NR0B2: variants seen among roughly 807,000 people sequenced by gnomAD.
NR0B2 encodes nuclear receptor subfamily 0 group B member 2.
In NR0B2, 17 loss-of-function variants were observed where a neutral mutation model predicts 18.9. The ratio of observed to expected loss-of-function variants is 0.90; its 90% CI spans 0.62 to 1.35. NR0B2 has a LOEUF of 1.35. NR0B2 is among the 40% of genes most tolerant of loss of function. The pLI, the probability that NR0B2 is intolerant of heterozygous loss-of-function variation, is 0.00. For missense variants in NR0B2, 312 were observed against 333.3 expected (o/e 0.94, Z 0.50); for synonymous variants, 116 against 138.5 (o/e 0.84, Z 1.14).
rs762355921 is a variant in NR0B2 at position 26,913,436 on chromosome 1, G to A, written c.505C>T (p.Leu169=). The part of the protein sequence containing the change: ...LELSPKEYAC[L]KGTILFNPDV... ...GGGTTGAAGAGGATGGTCCCTTTCA[G>A]GCAGGCATATTCCTTGGGGCTAAGC... is the stretch of plus-strand genomic sequence containing the variant. The change falls in exon 1 of 2, where the codon CTG becomes TTG. Residue 169 remains leucine, a synonymous_variant. Transcript: ENST00000254227. 1.9e-6 allele frequency: 3 copies of A among 1,614,146 alleles called. No individual in the cohort carries two copies. In the South Asian group the frequency reaches 3.3e-5, roughly 18 times the overall value.
rs1430461757 is a variant in NR0B2 at position 26,913,482 on chromosome 1, C to T, written c.459G>A (p.Leu153=). 3 of 1,613,938 alleles carry T rather than the reference C, an allele frequency of 1.9e-6. No homozygotes were observed. The highest frequency in any genetic ancestry group is 2.2e-5 in the South Asian group (2 of 91,082). Residue 153 remains leucine, a synonymous_variant, in exon 1 of 2, where the codon CTG becomes CTA. Coordinates refer to ENST00000254227, the MANE Select transcript of NR0B2 (RefSeq NM_021969.3). Reference sequence around the variant, plus strand: ...TAAGCTCCAGGCTCCAGAAGGACTCCAGACAGCATTGAAGCCACTGCACCG... The same window carrying T: ...TAAGCTCCAGGCTCCAGAAGGACTCTAGACAGCATTGAAGCCACTGCACCG... ...LAAVQWLQCC[L]ESFWSLELSP...
chr1:26,913,667 A>C lies in NR0B2; in HGVS notation c.274T>G (p.Trp92Gly). 2 of 1,613,680 alleles carry C rather than the reference A, an allele frequency of 1.2e-6. No individual in the cohort carries two copies. Among genetic ancestry groups the C allele is most frequent in the Non-Finnish European group, 1.7e-6 (2 of 1,179,854 alleles). Residue 92 changes from tryptophan to glycine, a missense_variant, in exon 1 of 2, where the codon TGG (tryptophan) becomes GGG (glycine). By Grantham distance (184) the Trp-to-Gly change is radical. Coordinates refer to ENST00000254227, the MANE Select transcript of NR0B2 (RefSeq NM_021969.3). ...AACCCAAGCAGGAAGAGGGGGCCCC[A>C]GCAACCCTGCAGCAGCCGCCGCTGG... ...QDQRRLLQGC[W>G]GPLFLLGLAQ...
In NR0B2 at chr1:26,913,593, G is replaced by T; in HGVS notation, c.348C>A (p.Ser116Arg). 6.2e-7 allele frequency: 1 copy of T among 1,614,084 alleles called. No individual in the cohort carries two copies. The highest frequency in any genetic ancestry group is 8.5e-7 in the Non-Finnish European group (1 of 1,180,008). Residue 116 changes from serine (S) to arginine (R), a missense_variant, in exon 1 of 2, where the codon AGC becomes AGA. By Grantham distance (110) the Ser-to-Arg change is moderately radical. Transcript: ENST00000254227. ...CCTCCAGCAGAATCTTCTTGAGTAT[G>T]CTGGGCACCGGGGCCTCAGCCACCT... is the stretch of plus-strand genomic sequence containing the variant. ...TFEVAEAPVP[S>R]ILKKILLEEP...
chr1:26,913,398 T>C lies in NR0B2; in HGVS notation c.532+11A>G. ...GCCTTGCCCCCCACCCAGGAGTGTC[T>C]GGGAGCTCACCGGGGTTGAAGAGGA... On this transcript the variant is annotated intron_variant, in intron 1 of 1. Coordinates refer to ENST00000254227, the MANE Select transcript of NR0B2 (RefSeq NM_021969.3). 6.2e-7 allele frequency: 1 copy of C among 1,613,876 alleles called. No individual in the cohort carries two copies. The highest frequency in any genetic ancestry group is 8.5e-7 in the Non-Finnish European group (1 of 1,179,786).
chr1:26,913,438 C>A lies in NR0B2; in HGVS notation c.503G>T (p.Cys168Phe). 1 of 1,614,120 alleles carries A rather than the reference C, an allele frequency of 6.2e-7. No individual in the cohort carries two copies. Among genetic ancestry groups the A allele is most frequent in the Non-Finnish European group, 8.5e-7 (1 of 1,180,030 alleles). The change falls in exon 1 of 2, where the codon TGC becomes TTC. Residue 168 changes from cysteine to phenylalanine, a missense_variant. By Grantham distance (205) the Cys-to-Phe change is radical. Transcript: ENST00000254227. The stretch of plus-strand genomic sequence containing the variant: ...GTTGAAGAGGATGGTCCCTTTCAGG[C>A]AGGCATATTCCTTGGGGCTAAGCTC... Reference protein sequence around the residue: ...SLELSPKEYACLKGTILFNPD... With the variant: ...SLELSPKEYAFLKGTILFNPD...
Position 26,913,688 on chromosome 1 carries a change from G to T in NR0B2, c.253C>A (p.Arg85=). The change falls in exon 1 of 2, where the codon CGG becomes AGG. Residue 85 remains arginine (R), a synonymous_variant. Transcript: ENST00000254227. ...SFWQLPPQDQ[R]RLLQGCWGPL... ...CCCCAGCAACCCTGCAGCAGCCGCC[G>T]CTGGTCCTGGGGAGGCAGCTGCCAG... 6.2e-7 allele frequency: 1 copy of T among 1,612,704 alleles called. No individual in the cohort carries two copies. The highest frequency in any genetic ancestry group is 8.5e-7 in the Non-Finnish European group (1 of 1,179,126).
At chr1:26,913,102 T>C (rs1281598532) in intron 1 of NR0B2, among the ~76,000 whole-genome samples, 2 of 152,236 alleles carry the variant, frequency 1.3e-5, no homozygotes, top group East Asian at 3.9e-4. Context: ...TTGATCAACA[T>C]GGTGAAAGCC....
intron 1 of NR0B2, among the ~76,000 whole-genome samples, 191 bp from the exon 2 acceptor site, chr1:26,912,277 A>G (rs1233981172): frequency 1.3e-5 from 2 of 152,104 alleles, no homozygotes; most frequent in South Asian, 2.1e-4. Flanking sequence ...TCATCCATCC[A>G]TTTATGAAGA....
chr1:26,911,687 T>C lies in NR0B2; in HGVS notation c.*158A>G, dbSNP rs541894841. 3 of 832,250 alleles carry C rather than the reference T, an allele frequency of 3.6e-6. No individual in the cohort carries two copies. Among genetic ancestry groups the C allele is most frequent in the South Asian group, 3.0e-5 (2 of 65,788 alleles). 51.6% of individuals were successfully genotyped at this position (832,250 alleles called of 1,614,324 possible). On this transcript the variant is annotated 3_prime_UTR_variant, in exon 2 of 2. Transcript: ENST00000254227. ...CTGTGTCCAAACCAAGGAAGTCCAA[T>C]GTGGGGTGTGGCTGAGTGAAGAGCT...
In NR0B2 at chr1:26,911,981, C is replaced by A. The variant is rs367827644; in HGVS notation, c.638G>T (p.Arg213Leu). ...GGCCGTGAGGAGGACACGGGTCAGG[C>A]GGCCTTGGGCTGCTGGGCACCAGGG... ...LEPWCPAAQGRLTRVLLTAST... is the reference protein window; with the variant it reads ...LEPWCPAAQGLLTRVLLTAST... The change falls in exon 2 of 2, where the codon CGC (arginine) becomes CTC (leucine). Residue 213 changes from arginine (R) to leucine (L), a missense_variant. Physicochemically the swap from Arg to Leu is moderately radical, Grantham distance 102. Coordinates refer to ENST00000254227, the MANE Select transcript of NR0B2 (RefSeq NM_021969.3). The A allele has an allele frequency of 6.2e-7, 1 of 1,614,110 alleles. No homozygotes were observed. Among genetic ancestry groups the A allele is most frequent in the Admixed American group, 1.7e-5 (1 of 60,008 alleles).
Position 26,911,870 on chromosome 1 carries a change from A to G in NR0B2, c.749T>C (p.Leu250Pro), listed in dbSNP as rs1258917303. ...IIGDVDIAGL[L>P]GDMLLLR ...TCACCTGAGCAAAAGCATGTCCCCAAGAAGGCCAGCGATGTCAACATCTCC... is the reference window on the plus strand; with the variant it reads ...TCACCTGAGCAAAAGCATGTCCCCAGGAAGGCCAGCGATGTCAACATCTCC... The change falls in exon 2 of 2, where the codon CTT (leucine) becomes CCT (proline). Residue 250 changes from leucine to proline, a missense_variant. Physicochemically the swap from Leu to Pro is moderately conservative, Grantham distance 98 (BLOSUM62 -3). Transcript: ENST00000254227. 8.7e-6 allele frequency: 14 copies of G among 1,614,094 alleles called. No individual in the cohort carries two copies. The Admixed American group carries it at 2.2e-4, about 25-fold the overall frequency.
chr1:26,913,411 G>T lies in NR0B2; in HGVS notation c.530C>A (p.Pro177His), dbSNP rs749895851. The change falls in exon 1 of 2, where the codon CCC becomes CAC. Residue 177 changes from proline (P) to histidine (H), a missense_variant and splice_region_variant. By Grantham distance (77) the Pro-to-His change is moderately conservative. Transcript: ENST00000254227. ...CCCAGGAGTGTCTGGGAGCTCACCG[G>T]GGTTGAAGAGGATGGTCCCTTTCAG... ...ACLKGTILFN[P>H]DVPGLQAASH... 2 of 1,614,046 alleles carry T rather than the reference G, an allele frequency of 1.2e-6. No individual in the cohort carries two copies. Among genetic ancestry groups the T allele is most frequent in the Non-Finnish European group, 1.7e-6 (2 of 1,179,980 alleles).
Position 26,911,680 on chromosome 1 carries a change from A to C in NR0B2, c.*165T>G. 1.3e-6 allele frequency: 1 copy of C among 792,872 alleles called. No individual in the cohort carries two copies. The highest frequency in any genetic ancestry group is 2.1e-6 in the Non-Finnish European group (1 of 472,510). 49.1% of individuals were successfully genotyped at this position (792,872 alleles called of 1,614,324 possible). ...TGGAACACTGTGTCCAAACCAAGGA[A>C]GTCCAATGTGGGGTGTGGCTGAGTG... is the stretch of plus-strand genomic sequence containing the variant. On this transcript the variant is annotated 3_prime_UTR_variant, in exon 2 of 2. Coordinates refer to ENST00000254227, the MANE Select transcript of NR0B2 (RefSeq NM_021969.3).
chr1:26,913,515 G>A lies in NR0B2; in HGVS notation c.426C>T (p.Ser142=), dbSNP rs779114304. 1.1e-5 allele frequency: 17 copies of A among 1,613,318 alleles called. No individual in the cohort carries two copies. The Admixed American group carries it at 2.7e-4, about 25-fold the overall frequency. Residue 142 remains serine, a synonymous_variant, in exon 1 of 2, where the codon TCC becomes TCT. Transcript: ENST00000254227. ...SGQLPDRPQP[S]LAAVQWLQCC... ...ATTGAAGCCACTGCACCGCAGCCAGGGAGGGCTGGGGTCTGTCTGGCAGTT... is the reference window on the plus strand; with the variant it reads ...ATTGAAGCCACTGCACCGCAGCCAGAGAGGGCTGGGGTCTGTCTGGCAGTT...
At chr1:26,912,566 C>T (rs951852148) in intron 1 of NR0B2, among the ~76,000 whole-genome samples, 13 of 152,252 alleles carry the variant, frequency 8.5e-5, no homozygotes, top group African/African-American at 2.4e-4. Context: ...ACGATTTATG[C>T]GTGCCACAAG....
chr1:26,911,708 G>A lies in NR0B2; in HGVS notation c.*137C>T. Reference sequence around the variant, plus strand: ...CCAATGTGGGGTGTGGCTGAGTGAAGAGCTGTTCCTAAGGAGCCAAGTGCT... The same window carrying A: ...CCAATGTGGGGTGTGGCTGAGTGAAAAGCTGTTCCTAAGGAGCCAAGTGCT... On this transcript the variant is annotated 3_prime_UTR_variant, in exon 2 of 2. Transcript: ENST00000254227. 1 of 975,740 alleles carries A rather than the reference G, an allele frequency of 1.0e-6. No homozygotes were observed. The highest frequency in any genetic ancestry group is 2.6e-5 in the East Asian group (1 of 38,532). 60.4% of individuals were successfully genotyped at this position (975,740 alleles called of 1,614,324 possible). A position where few individuals can be genotyped will look rare whatever the true frequency, so the allele number is the denominator to read the frequency against.
In NR0B2 at chr1:26,911,625, G is replaced by A. The variant is rs915141695; in HGVS notation, c.*220C>T. On this transcript the variant is annotated 3_prime_UTR_variant, in exon 2 of 2. Coordinates refer to ENST00000254227, the MANE Select transcript of NR0B2 (RefSeq NM_021969.3). Reference sequence around the variant, plus strand: ...GGACAGGAGTCTTGGCCCAGAGGCTGTGGGGACCACCAAAAGCCTCCCAGG... The same window carrying A: ...GGACAGGAGTCTTGGCCCAGAGGCTATGGGGACCACCAAAAGCCTCCCAGG... 5.1e-6 allele frequency: 3 copies of A among 590,676 alleles called. No homozygotes were observed. The highest frequency in any genetic ancestry group is 9.2e-6 in the Non-Finnish European group (3 of 325,704). The allele number at this position is 590,676 out of a possible 1,614,324, so 36.6% of individuals were successfully genotyped here.
Position 26,911,815 on chromosome 1 carries a change from C to T in NR0B2, c.*30G>A. ...CTGAATCAGCACTGCCAGCCTCTGC[C>T]CACCTGATCTCTGCCTGGGCTGGAA... On this transcript the variant is annotated 3_prime_UTR_variant, in exon 2 of 2. Coordinates refer to ENST00000254227, the MANE Select transcript of NR0B2 (RefSeq NM_021969.3). The T allele has an allele frequency of 1.9e-6, 3 of 1,613,992 alleles. No individual in the cohort carries two copies. Among genetic ancestry groups the T allele is most frequent in the Non-Finnish European group, 2.5e-6 (3 of 1,179,980 alleles).
Position 26,913,491 on chromosome 1 carries a change from T to C in NR0B2, c.450A>G (p.Gln150=), listed in dbSNP as rs139159423. 5.6e-5 allele frequency: 90 copies of C among 1,613,724 alleles called. No individual in the cohort carries two copies. The highest frequency in any genetic ancestry group is 6.9e-5 in the Non-Finnish European group (81 of 1,179,832). ...QPSLAAVQWL[Q]CCLESFWSLE... is the part of the protein sequence containing the mutation. Reference sequence around the variant, plus strand: ...GGCTCCAGAAGGACTCCAGACAGCATTGAAGCCACTGCACCGCAGCCAGGG... The same window carrying C: ...GGCTCCAGAAGGACTCCAGACAGCACTGAAGCCACTGCACCGCAGCCAGGG... The change falls in exon 1 of 2, where the codon CAA becomes CAG. Residue 150 remains glutamine, a synonymous_variant. Transcript: ENST00000254227.
Sources: gnomAD v4.1 joint callset for allele counts (sites outside exome capture counted in the v4.1 genomes callset) on GRCh38, gnomAD v4.1.1 for gene constraint, MANE v1.5 for transcripts, NCBI Gene and HGNC (gene_info 2026-07-23, HGNC 2026-07-21) for gene names.